BFSP1: variants seen among roughly 807,000 people sequenced by gnomAD.
The protein encoded by BFSP1 is filensin.
In BFSP1, 38 loss-of-function variants were observed where a neutral mutation model predicts 43.9. That is an observed-to-expected ratio of 0.87 (90% CI 0.67 to 1.14). The LOEUF (loss-of-function observed/expected upper bound fraction) is 1.14, where lower values mean the gene tolerates loss of function less well. BFSP1 is among the 50% of genes most tolerant of loss of function. The probability of loss-of-function intolerance (pLI) is 0.00; values close to 1 mark genes in which losing one functional copy is unlikely to be tolerated. For synonymous variants in BFSP1, 352 were observed against 354.8 expected, an observed-to-expected ratio of 0.99 and a Z score of 0.09; for missense variants, 850 against 875.1, an observed-to-expected ratio of 0.97 and a Z score of 0.36.
intron 7 of BFSP1, 67 bp downstream of exon 7, chr20:17,496,871 A>T: frequency 7.5e-7 from 1 of 1,336,022 alleles, no homozygotes; most frequent in Non-Finnish European, 1.0e-6. Context: ...TGTTAAAGTC[A>T]GGAAGAGAGC....
chr20:17,496,620 A>G lies in BFSP1; in HGVS notation c.1042+318T>C, dbSNP rs1175926402. Among the ~76,000 whole-genome samples the G allele has an allele frequency of 2.6e-5, 4 of 152,338 alleles. No homozygotes were observed. The South Asian group carries it at 8.3e-4, about 32-fold the overall frequency. On this transcript the variant is annotated intron_variant, in intron 7 of 7. Coordinates refer to ENST00000377873, the MANE Select transcript of BFSP1 (RefSeq NM_001195.5). ...AATATTGAGTTGTACTTTTTGCCCA[A>G]TTAAATGCCTTGTGTTGCAAAAGTT...
chr20:17,535,714 T>C (rs1425025757), upstream of BFSP1, among the ~76,000 whole-genome samples: 1 of 152,182 alleles, frequency 6.6e-6, no homozygotes, highest in African/African-American at 2.4e-5. Context: ...ATTCTTGCCA[T>C]TTTTCCTAGA....
chr20:17,505,808 G>A (rs1194654958), intron 5 of BFSP1, among the ~76,000 whole-genome samples: 1 of 152,104 alleles, frequency 6.6e-6, no homozygotes, highest in Non-Finnish European at 1.5e-5. Flanking sequence ...AGCATCCCGG[G>A]CCACACCCCA....
intron 1 of BFSP1, among the ~76,000 whole-genome samples, chr20:17,539,094 T>A (rs1407486861): frequency 1.4e-5 from 2 of 147,738 alleles, no homozygotes; most frequent in Non-Finnish European, 3.0e-5. Context: ...TCCATGAATA[T>A]ATTTCTTCTT....
chr20:17,538,808 A>G (rs1024398650), intron 1 of BFSP1, among the ~76,000 whole-genome samples: 2 of 152,074 alleles, frequency 1.3e-5, no homozygotes, highest in Non-Finnish European at 2.9e-5. Context: ...TACAGTTATA[A>G]TTTCTGTGGC....
intron 2 of BFSP1, among the ~76,000 whole-genome samples, chr20:17,516,519 A>G (rs955016686): frequency 5.9e-5 from 9 of 152,170 alleles, no homozygotes; most frequent in Non-Finnish European, 1.0e-4. Flanking sequence ...AGCACCTAAG[A>G]CACCAGAGCT....
intron 1 of BFSP1, among the ~76,000 whole-genome samples, chr20:17,568,460 G>C (rs769769132): frequency 2.0e-5 from 1 of 50,572 alleles, no homozygotes; most frequent in African/African-American, 3.1e-5. Context: ...GGAGGATACA[G>C]GGGGGTTCCT....
intron 1 of BFSP1, among the ~76,000 whole-genome samples, chr20:17,567,092 A>ATC (rs2035128241): frequency 1.3e-5 from 2 of 152,262 alleles, no homozygotes; most frequent in African/African-American, 4.8e-5. Context: ...AATCTTTATT[A>ATC]GTCTATAGCA....
chr20:17,523,592 T>C (rs2034359428), intron 2 of BFSP1, among the ~76,000 whole-genome samples: 1 of 150,798 alleles, frequency 6.6e-6, no homozygotes, highest in African/African-American at 2.4e-5. Context: ...ATTGAGCGTG[T>C]GTCCTCAGGG....
At chr20:17,566,993 C>T (rs749652591) in intron 1 of BFSP1, among the ~76,000 whole-genome samples, 1 of 152,102 alleles carries the variant, frequency 6.6e-6, no homozygotes, top group Non-Finnish European at 1.5e-5. Context: ...TTAAAGGGGG[C>T]TCTGCTCTCA....
chr20:17,561,057 C>T (rs896510476), upstream of BFSP1, among the ~76,000 whole-genome samples: 1 of 152,188 alleles, frequency 6.6e-6, no homozygotes, highest in African/African-American at 2.4e-5. Context: ...CTTGTGATTA[C>T]ACTCAATCCT....
intron 5 of BFSP1, among the ~76,000 whole-genome samples, chr20:17,506,385 A>G (rs1335375032): frequency 2.0e-5 from 3 of 152,232 alleles, no homozygotes; most frequent in African/African-American, 7.2e-5. Flanking sequence ...TGACTCATCA[A>G]GGCAGCAACA....
intron 2 of BFSP1, among the ~76,000 whole-genome samples, chr20:17,521,335 G>C (rs115156464): frequency 6.6e-6 from 1 of 152,178 alleles, no homozygotes; most frequent in Non-Finnish European, 1.5e-5. Flanking sequence ...TTGATTACAC[G>C]GGCAGCATGA....
intron 1 of BFSP1, among the ~76,000 whole-genome samples, chr20:17,566,011 G>A (rs901763457): frequency 5.3e-5 from 8 of 151,432 alleles, no homozygotes; most frequent in South Asian, 2.1e-4. Context: ...CCAGCTACTC[G>A]GGAGGCTGAG....
At chr20:17,568,846 G>C (rs2122142458) in intron 1 of BFSP1, among the ~76,000 whole-genome samples, 1 of 151,918 alleles carries the variant, frequency 6.6e-6, no homozygotes, top group Non-Finnish European at 1.5e-5. Context: ...TCTCATATTT[G>C]GAGAATTAAA....
At chr20:17,567,917 T>C (rs1366769553) in intron 1 of BFSP1, among the ~76,000 whole-genome samples, 1 of 133,894 alleles carries the variant, frequency 7.5e-6, no homozygotes, top group Non-Finnish European at 1.6e-5. Context: ...TAGAAGGAAC[T>C]AGGGGGGTGA....
At chr20:17,515,172 C>A (rs928874090) in intron 2 of BFSP1, among the ~76,000 whole-genome samples, 1 of 152,136 alleles carries the variant, frequency 6.6e-6, no homozygotes, top group African/African-American at 2.4e-5. Flanking sequence ...AGGACAGCAT[C>A]CCCCCACAAC....
At chr20:17,558,564 T>G in intron 1 of BFSP1, 1 of 1,088,186 alleles carries the variant, frequency 9.2e-7, no homozygotes, top group South Asian at 1.6e-5. Context: ...CCATGAGTCA[T>G]AAAACAAATG....
chr20:17,542,356 G>C (rs993783622), intron 1 of BFSP1, among the ~76,000 whole-genome samples: 28 of 150,746 alleles, frequency 1.9e-4, no homozygotes, highest in Non-Finnish European at 4.0e-4. Flanking sequence ...TTAGGAGGCC[G>C]AGATAGGAGG....
Sources: allele counts gnomAD v4.1 joint callset (sites outside exome capture counted in the v4.1 genomes callset), GRCh38; gene constraint gnomAD v4.1.1; transcripts MANE v1.5; gene names NCBI Gene and HGNC (gene_info 2026-07-23, HGNC 2026-07-21).